CCDC30: variants seen among roughly 807,000 people sequenced by gnomAD.
CCDC30 encodes the protein coiled-coil domain-containing protein 30.
CCDC30 carries 70 observed loss-of-function variants against 100.2 expected under a neutral mutation model. The ratio of observed to expected loss-of-function variants is 0.70; its 90% CI spans 0.58 to 0.85. The LOEUF (loss-of-function observed/expected upper bound fraction) is 0.85. CCDC30 is among the 40% of genes least tolerant of loss of function. The pLI is 0.00. For synonymous variants in CCDC30, 233 were observed against 269.5 expected (o/e 0.86, Z 1.33); for missense variants, 652 against 771.2 (o/e 0.85, Z 1.83).
upstream of CCDC30, chr1:42,460,446 T>C (rs925308127): frequency 4.2e-5 from 39 of 924,336 alleles, no homozygotes; most frequent in Admixed American, 1.2e-3. Context: ...TTATCAAATA[T>C]AGTAGTAGGA....
Position 42,566,144 on chromosome 1 carries a change from A to G in CCDC30, c.457-152A>G, listed in dbSNP as rs946128610. 1.3e-5 allele frequency: 8 copies of G among 596,202 alleles called. No individual in the cohort carries two copies. The African/African-American group carries it at 1.5e-4, about 11-fold the overall frequency. The allele number at this position is 596,202 out of a possible 1,614,324, so 36.9% of individuals were successfully genotyped here. A position where few individuals can be genotyped will look rare whatever the true frequency, so the allele number is the denominator to read the frequency against. ...ACATGTATCAACTATCCATAAATGT[A>G]AAAGAGTAGTTTGCTGTAGATAAGC... is the stretch of plus-strand genomic sequence containing the variant. On this transcript the variant is annotated intron_variant, in intron 6 of 16. Coordinates refer to ENST00000668663, the Ensembl canonical transcript of CCDC30.
chr1:42,652,498 A>G lies in CCDC30; in HGVS notation c.1855-878A>G, dbSNP rs558381082. On this transcript the variant is annotated intron_variant, in intron 15 of 16. Transcript: ENST00000668663. ...ATAATTTGTCAATATTCAATAGTAT[A>G]AATAAAAATTTGAAAAAACTTTCTG... 1.7e-4 allele frequency among the ~76,000 whole-genome samples: 26 copies of G among 152,340 alleles called. No homozygotes were observed. The South Asian group carries it at 5.0e-3, about 29-fold the overall frequency.
intron 11 of CCDC30, among the ~76,000 whole-genome samples, chr1:42,619,896 T>C (rs1460407660): frequency 6.6e-6 from 1 of 152,236 alleles, no homozygotes; most frequent in Non-Finnish European, 1.5e-5. Flanking sequence ...AAATATACTT[T>C]GGAGTGAAAT....
chr1:42,569,786 A>C lies in CCDC30; in HGVS notation c.636+3311A>C, dbSNP rs12030951. ...TGTGGCACATATACACCGTGGAATA[A>C]TATGCAGCCATAAAAAAGAATGAGT... On this transcript the variant is annotated intron_variant, in intron 7 of 16. Transcript: ENST00000668663. Among the ~76,000 whole-genome samples the C allele has an allele frequency of 5.3e-4, 80 of 152,324 alleles. 1 individual carries two copies. In the East Asian group the frequency reaches 0.013, roughly 25 times the overall value.
At chr1:42,470,676 A>T (rs937853251) in intron 1 of CCDC30, among the ~76,000 whole-genome samples, 1 of 152,210 alleles carries the variant, frequency 6.6e-6, no homozygotes, top group Non-Finnish European at 1.5e-5. Context: ...TCTTGAAGAC[A>T]TTATGCTGCA....
At position 42,507,014 on chromosome 1, in the gene CCDC30, C is replaced by A. The variant is rs146856758; in HGVS notation, c.456+8098C>A. Among the ~76,000 whole-genome samples, 1,197 of 152,242 alleles carry A rather than the reference C, an allele frequency of 7.9e-3. 21 individuals carry two copies. The highest frequency in any genetic ancestry group is 0.027 in the African/African-American group (1,119 of 41,528). On this transcript the variant is annotated intron_variant, in intron 6 of 16. Transcript: ENST00000668663. Reference sequence around the variant, plus strand: ...CAATCTCAGCTCACTGCAACCTCTGCCTCTCAGATTCGAGTGATTCTCCTG... The same window carrying A: ...CAATCTCAGCTCACTGCAACCTCTGACTCTCAGATTCGAGTGATTCTCCTG...
chr1:42,615,061 G>A (rs2148648850), intron 11 of CCDC30, among the ~76,000 whole-genome samples: 1 of 152,316 alleles, frequency 6.6e-6, no homozygotes, highest in Non-Finnish European at 1.5e-5. Context: ...ATCAAATGAG[G>A]AGATGGGAGG....
At chr1:42,617,915 T>C (rs1208766817) in intron 11 of CCDC30, among the ~76,000 whole-genome samples, 1 of 152,210 alleles carries the variant, frequency 6.6e-6, no homozygotes, top group African/African-American at 2.4e-5. Flanking sequence ...AGGGCTGTTA[T>C]CAAGTTTGTT....
chr1:42,563,911 A>G (rs4660645), intron 6 of CCDC30, among the ~76,000 whole-genome samples: 1 of 152,048 alleles, frequency 6.6e-6, no homozygotes, highest in Admixed American at 6.6e-5. Flanking sequence ...TCATAATTAC[A>G]TTATAACCCA....
chr1:42,524,299 T>C (rs539658138), intron 6 of CCDC30, among the ~76,000 whole-genome samples: 3 of 152,288 alleles, frequency 2.0e-5, no homozygotes, highest in Admixed American at 2.0e-4. Context: ...AAGCTTAAGG[T>C]CTTCTGGAGT....
intron 6 of CCDC30, among the ~76,000 whole-genome samples, chr1:42,538,149 C>CAAAAAAAAAAAAA (rs776412637): frequency 1.2e-5 from 1 of 82,378 alleles, no homozygotes; most frequent in African/African-American, 6.6e-5. Flanking sequence ...ACTGTCTCCA[C>CAAAAAAAAAAAAA]AAAAAAAAAA....
chr1:42,468,181 G>A (rs779644560), intron 1 of CCDC30, among the ~76,000 whole-genome samples: 8 of 152,170 alleles, frequency 5.3e-5, no homozygotes, highest in South Asian at 2.1e-4. Context: ...ATAATAATGC[G>A]TTGAAAAAGA....
intron 8 of CCDC30, chr1:42,580,824 T>G (rs1334538573): frequency 2.2e-6 from 1 of 456,220 alleles, no homozygotes; most frequent in Admixed American, 2.3e-5. Context: ...TTCTATTTTG[T>G]TTTGCAGTGT....
intron 1 of CCDC30, among the ~76,000 whole-genome samples, chr1:42,466,555 TTG>T: frequency 7.9e-6 from 1 of 126,492 alleles, no homozygotes; most frequent in Non-Finnish European, 1.7e-5. Flanking sequence ...TTGTTTTGTT[TTG>T]TTTTTTTTTT....
chr1:42,584,491 G>A (rs1406171096), intron 9 of CCDC30, among the ~76,000 whole-genome samples: 1 of 152,068 alleles, frequency 6.6e-6, no homozygotes, highest in Non-Finnish European at 1.5e-5. Context: ...TACTTGGGAG[G>A]CTGAGGCAAG....
intron 6 of CCDC30, among the ~76,000 whole-genome samples, chr1:42,557,667 A>G (rs902589275): frequency 1.4e-5 from 2 of 147,622 alleles, no homozygotes; most frequent in African/African-American, 4.9e-5. Context: ...TATATTAAAT[A>G]TATTAAATAA....
At chr1:42,652,392 T>C (rs926562773) in intron 15 of CCDC30, among the ~76,000 whole-genome samples, 1 of 152,250 alleles carries the variant, frequency 6.6e-6, no homozygotes. Flanking sequence ...TTTGAGGTGA[T>C]GGATATGTTA....
chr1:42,466,787 G>A (rs1382512692), intron 1 of CCDC30, among the ~76,000 whole-genome samples: 2 of 152,054 alleles, frequency 1.3e-5, no homozygotes, highest in African/African-American at 4.8e-5. Flanking sequence ...CCTGACCTCA[G>A]GTGATCCATC....
intron 10 of CCDC30, among the ~76,000 whole-genome samples, chr1:42,608,579 TGGGTAGTCCCAGCTACTC>T (rs1646552890): frequency 6.6e-6 from 1 of 151,116 alleles, no homozygotes. Flanking sequence ...GGTGGGCGCC[TGGGTAGTCCCAGCTACTC>T]GGGAGGCTGA....
Sources: allele counts gnomAD v4.1 joint callset (sites outside exome capture counted in the v4.1 genomes callset), GRCh38; gene constraint gnomAD v4.1.1; transcripts MANE v1.5; gene names NCBI Gene and HGNC (gene_info 2026-07-23, HGNC 2026-07-21).